Variants in SMCP observed in about 807,000 individuals in gnomAD.
SMCP encodes the protein sperm mitochondrial-associated cysteine-rich protein.
For synonymous variants in SMCP, 41 were observed against 46.9 expected (o/e 0.87, Z 0.51); for missense variants, 137 against 137.1 (o/e 1.00, Z 0.01).
In SMCP at chr1:152,884,789, A is replaced by T; in HGVS notation, c.*16A>T. On this transcript the variant is annotated 3_prime_UTR_variant, in exon 2 of 2. Transcript: ENST00000368765. ...AAGCAAATGAGAGCAGAAGAAGTCA[A>T]ACAAAGAAGAAGTCCCTGGGGCCAT... The T allele has an allele frequency of 1.2e-6, 2 of 1,605,280 alleles. No homozygotes were observed. The highest frequency in any genetic ancestry group is 1.7e-5 in the Admixed American group (1 of 59,528).
At chr1:152,879,489 G>T (rs999534548) in intron 1 of SMCP, among the ~76,000 whole-genome samples, 1 of 152,196 alleles carries the variant, frequency 6.6e-6, no homozygotes, top group African/African-American at 2.4e-5. Context: ...CCAAAGCGCT[G>T]GGACAACAGG....
rs752314328 is a variant in SMCP at position 152,884,569 on chromosome 1, A to G, written c.147A>G (p.Gln49=). ...QNQCCQPKGS[Q]CCPPKHNHCC... ...AGTGCTGCCAGCCAAAAGGCAGTCAATGCTGCCCACCAAAACACAATCACT... is the reference window on the plus strand; with the variant it reads ...AGTGCTGCCAGCCAAAAGGCAGTCAGTGCTGCCCACCAAAACACAATCACT... The change falls in exon 2 of 2, where the codon CAA becomes CAG. Residue 49 remains glutamine (Q), a synonymous_variant. Transcript: ENST00000368765. The G allele has an allele frequency of 2.1e-5, 34 of 1,614,006 alleles. No homozygotes were observed. The highest frequency in any genetic ancestry group is 1.3e-4 in the South Asian group (12 of 91,062).
intron 1 of SMCP, among the ~76,000 whole-genome samples, chr1:152,882,742 A>C (rs1445239683): frequency 6.6e-6 from 1 of 152,198 alleles, no homozygotes; most frequent in Non-Finnish European, 1.5e-5. Flanking sequence ...TAACTGGCTC[A>C]GTTTAAAAAA....
Position 152,884,546 on chromosome 1 carries a change from T to C in SMCP, c.124T>C (p.Cys42Arg), listed in dbSNP as rs1649152931. The C allele has an allele frequency of 6.2e-7, 1 of 1,613,876 alleles. No individual in the cohort carries two copies. Among genetic ancestry groups the C allele is most frequent in the African/African-American group, 1.3e-5 (1 of 74,856 alleles). Residue 42 changes from cysteine (C) to arginine (R), a missense_variant, in exon 2 of 2, where the codon TGC (cysteine) becomes CGC (arginine). By Grantham distance (180) the Cys-to-Arg change is radical. Transcript: ENST00000368765. ...NQCCPPKQNQ[C>R]CQPKGSQCCP... ...ATGCTGCCCACCAAAACAGAACCAG[T>C]GCTGCCAGCCAAAAGGCAGTCAATG...
chr1:152,882,198 C>T (rs1034761379), intron 1 of SMCP, among the ~76,000 whole-genome samples: 1 of 152,052 alleles, frequency 6.6e-6, no homozygotes, highest in African/African-American at 2.4e-5. Context: ...TCTGAACCCC[C>T]GACCTCAGGT....
intron 1 of SMCP, among the ~76,000 whole-genome samples, chr1:152,879,715 A>T (rs1288400406): frequency 6.6e-6 from 1 of 152,144 alleles, no homozygotes; most frequent in African/African-American, 2.4e-5. Flanking sequence ...GAAGGACTTG[A>T]TGTTGCCCTC....
Position 152,884,740 on chromosome 1 carries a change from T to C in SMCP, c.318T>C (p.His106=). Residue 106 remains histidine (H), a synonymous_variant, in exon 2 of 2, where the codon CAT becomes CAC. Coordinates refer to ENST00000368765, the MANE Select transcript of SMCP (RefSeq NM_030663.3). ...DKGCQTQQQP[H]SPQNESRPSK is the part of the protein sequence containing the mutation. Reference sequence around the variant, plus strand: ...GCTGTCAAACCCAGCAGCAGCCCCATAGCCCACAAAATGAGTCCAGGCCAA... The same window carrying C: ...GCTGTCAAACCCAGCAGCAGCCCCACAGCCCACAAAATGAGTCCAGGCCAA... 1.2e-6 allele frequency: 2 copies of C among 1,614,156 alleles called. No individual in the cohort carries two copies. The highest frequency in any genetic ancestry group is 2.2e-5 in the East Asian group (1 of 44,880).
In SMCP at chr1:152,884,820, T is replaced by C; in HGVS notation, c.*47T>C. 3.2e-6 allele frequency: 5 copies of C among 1,541,010 alleles called. No homozygotes were observed. The highest frequency in any genetic ancestry group is 4.5e-6 in the Non-Finnish European group (5 of 1,123,588). ...GAAGAAGTCCCTGGGGCCATGCCTT[T>C]CACTTTGTAGGGTGGGGGATTACTG... On this transcript the variant is annotated 3_prime_UTR_variant, in exon 2 of 2. Transcript: ENST00000368765.
At chr1:152,882,780 A>G (rs1649095110) in intron 1 of SMCP, among the ~76,000 whole-genome samples, 1 of 152,214 alleles carries the variant, frequency 6.6e-6, no homozygotes, top group Non-Finnish European at 1.5e-5. Context: ...ACATTGGCTC[A>G]CGCCTGTAAT....
chr1:152,880,056 G>C (rs1648987419), intron 1 of SMCP, among the ~76,000 whole-genome samples: 1 of 151,908 alleles, frequency 6.6e-6, no homozygotes, highest in South Asian at 2.1e-4. Context: ...AGTAGAGAAA[G>C]GTAAACCAGA....
At position 152,884,451 on chromosome 1, in the gene SMCP, G is replaced by A. The variant is rs781673649; in HGVS notation, c.29G>A (p.Cys10Tyr). The change falls in exon 2 of 2, where the codon TGC becomes TAC. Residue 10 changes from cysteine (C) to tyrosine (Y), a missense_variant. Coordinates refer to ENST00000368765, the MANE Select transcript of SMCP (RefSeq NM_030663.3). The stretch of plus-strand genomic sequence containing the variant: ...TGTGACCAGACAAAACACAGTAAAT[G>A]CTGCCCAGCAAAAGGCAATCAATGC... Reference protein sequence around the residue: MCDQTKHSKCCPAKGNQCCP... With the variant: MCDQTKHSKYCPAKGNQCCP... The A allele has an allele frequency of 1.2e-6, 2 of 1,614,180 alleles. No individual in the cohort carries two copies. Among genetic ancestry groups the A allele is most frequent in the Non-Finnish European group, 8.5e-7 (1 of 1,180,048 alleles).
At position 152,884,447 on chromosome 1, in the gene SMCP, A is replaced by G. The variant is rs878992335; in HGVS notation, c.25A>G (p.Lys9Glu). 3 of 1,614,222 alleles carry G rather than the reference A, an allele frequency of 1.9e-6. No homozygotes were observed. In the South Asian group the frequency reaches 3.3e-5, roughly 18 times the overall value. The change falls in exon 2 of 2, where the codon AAA becomes GAA. Residue 9 changes from lysine to glutamate, a missense_variant. Coordinates refer to ENST00000368765, the MANE Select transcript of SMCP (RefSeq NM_030663.3). Reference sequence around the variant, plus strand: ...GATGTGTGACCAGACAAAACACAGTAAATGCTGCCCAGCAAAAGGCAATCA... The same window carrying G: ...GATGTGTGACCAGACAAAACACAGTGAATGCTGCCCAGCAAAAGGCAATCA... MCDQTKHS[K>E]CCPAKGNQCC...
chr1:152,883,788 C>T (rs1649125004), intron 1 of SMCP, among the ~76,000 whole-genome samples: 1 of 152,190 alleles, frequency 6.6e-6, no homozygotes, highest in South Asian at 2.1e-4. Context: ...TTCATTTCAT[C>T]TTGCTGTAAC....
intron 1 of SMCP, among the ~76,000 whole-genome samples, chr1:152,878,963 T>A (rs909796951): frequency 6.6e-6 from 1 of 152,170 alleles, no homozygotes; most frequent in Non-Finnish European, 1.5e-5. Flanking sequence ...GCCAGTCTGG[T>A]GCCTGAGGGA....
intron 1 of SMCP, 38 bp from the exon 2 acceptor site, chr1:152,884,365 G>C: frequency 1.3e-6 from 2 of 1,550,312 alleles, no homozygotes; most frequent in Non-Finnish European, 1.8e-6. Flanking sequence ...CAGGCACCCA[G>C]ATTTCCTTCT....
intron 1 of SMCP, among the ~76,000 whole-genome samples, chr1:152,879,019 T>C (rs938858483): frequency 6.6e-6 from 1 of 152,126 alleles, no homozygotes; most frequent in African/African-American, 2.4e-5. Context: ...AGGGAGAAGG[T>C]GCCTTGCCAG....
chr1:152,881,066 A>C (rs1649019697), intron 1 of SMCP, among the ~76,000 whole-genome samples: 1 of 57,594 alleles, frequency 1.7e-5, no homozygotes, highest in Non-Finnish European at 3.7e-5. Context: ...GCTGGGTCCA[A>C]CGTGTGAGTC....
At position 152,881,460 on chromosome 1, in the gene SMCP, G is replaced by A. The variant is rs894540452; in HGVS notation, c.-20-2943G>A. Among the ~76,000 whole-genome samples, 72 of 151,764 alleles carry A rather than the reference G, an allele frequency of 4.7e-4. 1 individual carries two copies. The highest frequency in any genetic ancestry group is 1.7e-3 in the South Asian group (8 of 4,784). On this transcript the variant is annotated intron_variant, in intron 1 of 1. Coordinates refer to ENST00000368765, the MANE Select transcript of SMCP (RefSeq NM_030663.3). ...TCCCAGCACTTTGGGAGGCCGAGGC[G>A]GGTGGATCATGAGGTCAGGAGATCG...
rs201144729 is a variant in SMCP, at chr1:152,884,747, C to T, written c.325C>T (p.Gln109Ter). The T allele has an allele frequency of 1.5e-5, 25 of 1,614,146 alleles. No homozygotes were observed. The Admixed American group carries it at 3.8e-4, about 25-fold the overall frequency. Residue 109 changes from glutamine to a stop codon, truncating the protein, a stop_gained, in exon 2 of 2, where the codon CAA becomes TAA. Coordinates refer to ENST00000368765, the MANE Select transcript of SMCP (RefSeq NM_030663.3). LOFTEE classifies it low-confidence loss of function (END_TRUNC). ...CQTQQQPHSP[Q>*]NESRPSK ...AACCCAGCAGCAGCCCCATAGCCCA[C>T]AAAATGAGTCCAGGCCAAGCAAATG...
Sources: allele counts gnomAD v4.1 joint callset (sites outside exome capture counted in the v4.1 genomes callset), GRCh38; gene constraint gnomAD v4.1.1; transcripts MANE v1.5; gene names NCBI Gene and HGNC (gene_info 2026-07-23, HGNC 2026-07-21).